C17orf99: variants seen among roughly 807,000 people sequenced by gnomAD.
C17orf99 encodes the protein chromosome 17 open reading frame 99, also known as protein IL-40.
C17orf99 carries 18 observed loss-of-function variants against 22.6 expected under a neutral mutation model. That is an observed-to-expected ratio of 0.80 (90% confidence interval 0.55 to 1.18). The LOEUF (loss-of-function observed/expected upper bound fraction) is 1.18. Ranked by LOEUF, C17orf99 falls within the 50% of genes most tolerant of loss-of-function variation. The pLI, the probability that C17orf99 is intolerant of heterozygous loss-of-function variation, is 0.00. For missense variants in C17orf99, 328 were observed against 342.7 expected (o/e 0.96, Z 0.34); for synonymous variants, 147 against 136.6 (o/e 1.08, Z -0.53).
In C17orf99 at chr17:78,166,100, C is replaced by T; in HGVS notation, c.*54C>T. On this transcript the variant is annotated 3_prime_UTR_variant, in exon 5 of 5. Coordinates refer to ENST00000340363, the MANE Select transcript of C17orf99 (RefSeq NM_001163075.2). The stretch of plus-strand genomic sequence containing the variant: ...CAGAGGACTGCAGGCCATCAGCGTG[C>T]ACTGTTCGTATTTGGAGTTCATGCA... 4 of 509,754 alleles carry T rather than the reference C, an allele frequency of 7.8e-6. No individual in the cohort carries two copies. The highest frequency in any genetic ancestry group is 1.2e-5 in the Non-Finnish European group (4 of 330,654). 31.6% of individuals were successfully genotyped at this position (509,754 alleles called of 1,614,324 possible).
intron 2 of C17orf99, chr17:78,158,248 C>A: frequency 1.8e-6 from 1 of 566,628 alleles, no homozygotes; most frequent in Non-Finnish European, 3.4e-6. Flanking sequence ...GCCCCCTCCC[C>A]CAGGCTGGCT....
At chr17:78,157,613 A>T in intron 2 of C17orf99, 1 of 501,268 alleles carries the variant, frequency 2.0e-6, no homozygotes, top group Non-Finnish European at 3.4e-6. Context: ...CCTGGCTAAA[A>T]TGGTGAAACC....
intron 2 of C17orf99, among the ~76,000 whole-genome samples, chr17:78,157,666 G>A (rs545323254): frequency 1.3e-5 from 2 of 151,912 alleles, no homozygotes; most frequent in South Asian, 2.1e-4. Context: ...GCGTGGTGGC[G>A]GGCGCCTGTA....
At chr17:78,158,179 A>G in intron 2 of C17orf99, 1 of 734,700 alleles carries the variant, frequency 1.4e-6, no homozygotes, top group East Asian at 3.5e-5. Context: ...CCGAGGAGGC[A>G]GCTGCTGCAA....
chr17:78,162,476 G>T (rs1015285060), intron 3 of C17orf99, among the ~76,000 whole-genome samples: 8 of 151,694 alleles, frequency 5.3e-5, no homozygotes. Flanking sequence ...ACAAGGAATC[G>T]CCCCATTCAT....
chr17:78,152,709 G>T (rs1441380734), intron 2 of C17orf99, among the ~76,000 whole-genome samples: 1 of 151,180 alleles, frequency 6.6e-6, no homozygotes, highest in African/African-American at 2.4e-5. Flanking sequence ...CTGGGCTCAA[G>T]GGATCCCCCT....
At chr17:78,159,008 A>G in intron 2 of C17orf99, 1 of 163,380 alleles carries the variant, frequency 6.1e-6, no homozygotes. Context: ...AGGAGAGGGG[A>G]GGGGACCTGC....
At position 78,165,798 on chromosome 17, in the gene C17orf99, G is replaced by A. The variant is rs529004055; in HGVS notation, c.641-91G>A. 9.5e-5 allele frequency: 120 copies of A among 1,265,746 alleles called. No individual in the cohort carries two copies. In the Middle Eastern group the frequency reaches 1.2e-3, roughly 13 times the overall value. The allele number at this position is 1,265,746 out of a possible 1,614,324, so 78.4% of individuals were successfully genotyped here. A position where few individuals can be genotyped will look rare whatever the true frequency, so the allele number is the denominator to read the frequency against. On this transcript the variant is annotated intron_variant, in intron 4 of 4. Transcript: ENST00000340363. ...GCCTGGACAAAAAGAGCAAAACTCC[G>A]TCTCAAAACAAACGAACACTCTCAG...
intron 2 of C17orf99, chr17:78,157,740 T>G: frequency 2.1e-6 from 1 of 480,506 alleles, no homozygotes; most frequent in Non-Finnish European, 3.5e-6. Flanking sequence ...GAGCTTGCGG[T>G]GAGCCGAGAT....
In C17orf99 at chr17:78,153,918, C is replaced by CTTTT. The variant is rs532705146; in HGVS notation, c.71-7015_71-7012dup. 7.7e-3 allele frequency among the ~76,000 whole-genome samples: 611 copies of CTTTT among 79,536 alleles called. 1 individual carries two copies. The highest frequency in any genetic ancestry group is 0.012 in the East Asian group (30 of 2,448). The allele number at this position is 79,536 out of a possible 152,430, so 52.2% of individuals were successfully genotyped here. A position where few individuals can be genotyped will look rare whatever the true frequency, so the allele number is the denominator to read the frequency against. ...TAGGGAAAAAAAAAAAGTATTCCTT[C>CTTTT]TTTTTTTTTTTTTTTTTTTTTTTTT... On this transcript the variant is annotated intron_variant, in intron 2 of 4. Transcript: ENST00000340363.
chr17:78,147,345 G>A (rs527255737), intron 2 of C17orf99, among the ~76,000 whole-genome samples: 5 of 152,328 alleles, frequency 3.3e-5, no homozygotes, highest in Admixed American at 3.3e-4. Context: ...TCTCTGACCA[G>A]GAGGAGGGCC....
intron 2 of C17orf99, among the ~76,000 whole-genome samples, chr17:78,147,635 C>T (rs1356240382): frequency 6.6e-6 from 1 of 152,172 alleles, no homozygotes; most frequent in Admixed American, 6.5e-5. Flanking sequence ...CCTATATTGT[C>T]CCAACTAACC....
chr17:78,146,574 A>G lies in C17orf99; in HGVS notation c.37+130A>G. 1.2e-6 allele frequency: 1 copy of G among 858,166 alleles called. No individual in the cohort carries two copies. The highest frequency in any genetic ancestry group is 1.9e-6 in the Non-Finnish European group (1 of 537,626). 53.2% of individuals were successfully genotyped at this position (858,166 alleles called of 1,614,324 possible). On this transcript the variant is annotated intron_variant, in intron 1 of 4. Transcript: ENST00000340363. This position sits in a 1 kb window ranked among gnomAD's most constrained non-coding sequence, Gnocchi z 5.2. ...GGCACCTCTGGAAACATGGACAGAG[A>G]GGGAAAGATCTGGGCTTGAGTCTCG...
intron 2 of C17orf99, chr17:78,158,325 C>A: frequency 2.8e-6 from 1 of 361,178 alleles, no homozygotes; most frequent in Non-Finnish European, 5.4e-6. Context: ...GATGGATTCT[C>A]GCCCTGTCGC....
chr17:78,165,048 C>A, intron 4 of C17orf99: 2 of 1,067,982 alleles, frequency 1.9e-6, no homozygotes, highest in Non-Finnish European at 2.3e-6. Flanking sequence ...CCACCTTGGG[C>A]AGTCTTTCCG....
Position 78,153,137 on chromosome 17 carries a change from T to A in C17orf99, c.70+6226T>A, listed in dbSNP as rs574415488. Among the ~76,000 whole-genome samples, 3 of 150,252 alleles carry A rather than the reference T, an allele frequency of 2.0e-5. No homozygotes were observed. In the South Asian group the frequency reaches 6.4e-4, roughly 32 times the overall value. On this transcript the variant is annotated intron_variant, in intron 2 of 4. Coordinates refer to ENST00000340363, the MANE Select transcript of C17orf99 (RefSeq NM_001163075.2). ...AGACCATCCTTTATTGGCAGGCTGA[T>A]CCATAAACTAAATAATCAAAAGGAA...
rs557071535 is a variant in C17orf99, at chr17:78,165,309, C to A, written c.641-580C>A. ...TGGCCCAGGCCCTTACGTGGCTCTA[C>A]CAGGAGTCTGTCCTTGGCACTTTCC... is the stretch of plus-strand genomic sequence containing the variant. On this transcript the variant is annotated intron_variant, in intron 4 of 4. Transcript: ENST00000340363. 4 of 985,908 alleles carry A rather than the reference C, an allele frequency of 4.1e-6. No individual in the cohort carries two copies. The South Asian group carries it at 1.9e-4, about 46-fold the overall frequency. 61.1% of individuals were successfully genotyped at this position (985,908 alleles called of 1,614,324 possible). A position where few individuals can be genotyped will look rare whatever the true frequency, so the allele number is the denominator to read the frequency against.
At chr17:78,155,747 C>A (rs73375772) in intron 2 of C17orf99, among the ~76,000 whole-genome samples, 15,353 of 152,012 alleles carry the variant, frequency 0.1, 1,901 homozygotes, top group African/African-American at 0.29. Flanking sequence ...TGGCCTCAGT[C>A]TTCTGAGTAG....
At chr17:78,150,299 G>A (rs1012145110) in intron 2 of C17orf99, among the ~76,000 whole-genome samples, 5 of 152,136 alleles carry the variant, frequency 3.3e-5, no homozygotes, top group Non-Finnish European at 7.4e-5. Context: ...GAGCCACCCT[G>A]CCTGGCCTAA....
Sources: gnomAD v4.1 joint callset for allele counts (sites outside exome capture counted in the v4.1 genomes callset) on GRCh38, gnomAD v4.1.1 for gene constraint, Gnocchi (gnomAD v3.1) non-coding constraint, MANE v1.5 for transcripts, NCBI Gene and HGNC (gene_info 2026-07-23, HGNC 2026-07-21) for gene names.